GAB2: variants seen among roughly 807,000 people sequenced by gnomAD.
The protein encoded by GAB2 is GRB2-associated-binding protein 2.
Under a neutral mutation model 65.5 loss-of-function variants are expected in GAB2, and 26 were observed. The observed-to-expected ratio is 0.40, with a 90% confidence interval of 0.29 to 0.55. The LOEUF (loss-of-function observed/expected upper bound fraction) is 0.55. GAB2 is among the 20% of genes least tolerant of loss of function. The probability of loss-of-function intolerance (pLI) is 0.53; values close to 1 mark genes in which losing one functional copy is unlikely to be tolerated. For synonymous variants in GAB2, 321 were observed against 329.6 expected, an observed-to-expected ratio of 0.97 and a Z score of 0.28; for missense variants, 884 against 875.8, an observed-to-expected ratio of 1.01 and a Z score of -0.12.
chr11:78,377,613 T>C (rs1454284225), intron 1 of GAB2, among the ~76,000 whole-genome samples: 1 of 152,234 alleles, frequency 6.6e-6, no homozygotes, highest in Admixed American at 6.5e-5. Context: ...AAGCCTATTA[T>C]GCTTTGGAGA....
At chr11:78,360,939 A>G (rs1030095389) in intron 1 of GAB2, among the ~76,000 whole-genome samples, 1 of 152,202 alleles carries the variant, frequency 6.6e-6, no homozygotes, top group East Asian at 1.9e-4. Context: ...TAAAGTTCAT[A>G]AAGAAAAACA....
chr11:78,350,052 C>T lies in GAB2; in HGVS notation c.75+67594G>A, dbSNP rs142646937. Among the ~76,000 whole-genome samples the T allele has an allele frequency of 2.0e-5, 3 of 152,192 alleles. No individual in the cohort carries two copies. In the East Asian group the frequency reaches 5.8e-4, roughly 29 times the overall value. ...TCTTTGAGTTGGCTGTCTTGTGAAA[C>T]ATTCTGTTGTCTATATTTTCATTCA... On this transcript the variant is annotated intron_variant, in intron 1 of 9. Transcript: ENST00000361507.
chr11:78,336,437 G>T, intron 1 of GAB2, among the ~76,000 whole-genome samples: 1 of 127,714 alleles, frequency 7.8e-6, no homozygotes. Flanking sequence ...TGCTGATTTT[G>T]TATCCTGCAA....
intron 1 of GAB2, among the ~76,000 whole-genome samples, chr11:78,363,864 A>G (rs1856465525): frequency 6.6e-6 from 1 of 152,140 alleles, no homozygotes; most frequent in African/African-American, 2.4e-5. Context: ...AAATGTAGGC[A>G]TGAGCCACTG....
intron 2 of GAB2, among the ~76,000 whole-genome samples, chr11:78,263,899 A>ATT (rs35453397): frequency 1.4e-5 from 2 of 142,556 alleles, no homozygotes; most frequent in Non-Finnish European, 1.5e-5. Context: ...TCTCCTGTCA[A>ATT]TTTTTTTTTT....
intron 1 of GAB2, among the ~76,000 whole-genome samples, chr11:78,290,019 C>T (rs1010106249): frequency 3.3e-5 from 5 of 151,670 alleles, no homozygotes; most frequent in South Asian, 2.1e-4. Flanking sequence ...TTATTTGTAA[C>T]GGGGAGCCAT....
Position 78,220,304 on chromosome 11 carries a change from C to A in GAB2, c.1887+15G>T, listed in dbSNP as rs777951216. On this transcript the variant is annotated intron_variant, in intron 9 of 9. Coordinates refer to ENST00000361507, the MANE Select transcript of GAB2 (RefSeq NM_080491.3). ...CTGAGAGCTCTTACTGCCCCCCCAA[C>A]TCTACTCCAGGCACCTTGCGGTGGG... 1 of 1,611,900 alleles carries A rather than the reference C, an allele frequency of 6.2e-7. No homozygotes were observed. Among genetic ancestry groups the A allele is most frequent in the African/African-American group, 1.3e-5 (1 of 74,860 alleles).
intron 1 of GAB2, among the ~76,000 whole-genome samples, chr11:78,388,811 T>C (rs1856799454): frequency 6.6e-6 from 1 of 152,208 alleles, no homozygotes; most frequent in Non-Finnish European, 1.5e-5. Context: ...TTTTGTTTTG[T>C]TAAAAAGAGA....
intron 1 of GAB2, among the ~76,000 whole-genome samples, chr11:78,316,070 G>A (rs1855597424): frequency 6.6e-6 from 1 of 152,032 alleles, no homozygotes; most frequent in African/African-American, 2.4e-5. Context: ...GCTTCCTCCC[G>A]CTCCTCCTGC....
At position 78,417,623 on chromosome 11, in the gene GAB2, T is replaced by C. The variant is rs577808708; in HGVS notation, c.75+23A>G. 10 of 1,250,386 alleles carry C rather than the reference T, an allele frequency of 8.0e-6. No homozygotes were observed. In the African/African-American group the frequency reaches 1.5e-4, roughly 18 times the overall value. The allele number at this position is 1,250,386 out of a possible 1,614,324, so 77.5% of individuals were successfully genotyped here. ...CCCCGGAGCGCCCCCCGCCCGCCCC[T>C]GGGCGGCCGCGCCCGCACTCACATA... On this transcript the variant is annotated intron_variant, in intron 1 of 9. Transcript: ENST00000361507.
rs542275999 is a variant in GAB2, at chr11:78,243,360, C to T, written c.620+6797G>A. On this transcript the variant is annotated intron_variant, in intron 3 of 9. Coordinates refer to ENST00000361507, the MANE Select transcript of GAB2 (RefSeq NM_080491.3). ...GTGGGCGCCTGTAGTCCCAGCTACC[C>T]GGGAGGCTGAGGCATGAGAATCACT... 1.7e-3 allele frequency among the ~76,000 whole-genome samples: 260 copies of T among 151,488 alleles called. 1 individual carries two copies. The highest frequency in any genetic ancestry group is 3.3e-3 in the Admixed American group (50 of 15,244).
chr11:78,237,728 T>C (rs760847852), intron 3 of GAB2, among the ~76,000 whole-genome samples: 61 of 152,212 alleles, frequency 4.0e-4, no homozygotes, highest in Non-Finnish European at 6.8e-4. Flanking sequence ...TAAGTGATTG[T>C]TGGGTCAGTA....
chr11:78,340,986 C>G (rs1246287288), intron 1 of GAB2, among the ~76,000 whole-genome samples: 1 of 152,064 alleles, frequency 6.6e-6, no homozygotes, highest in African/African-American at 2.4e-5. Flanking sequence ...ACTACCATGC[C>G]CAAGATATTT....
intron 1 of GAB2, among the ~76,000 whole-genome samples, chr11:78,410,892 T>C (rs1857118572): frequency 6.6e-6 from 1 of 152,146 alleles, no homozygotes. Flanking sequence ...TTCACACCTA[T>C]AATCGCAGCA....
chr11:78,227,118 A>C (rs1170648645), intron 3 of GAB2, 67 bp from the exon 4 acceptor site: 2 of 1,064,570 alleles, frequency 1.9e-6, no homozygotes, highest in Non-Finnish European at 2.8e-6. Context: ...CTTGAGGCAA[A>C]GCACTTTCTC....
intron 2 of GAB2, among the ~76,000 whole-genome samples, chr11:78,253,186 T>A (rs1357267728): frequency 2.0e-5 from 3 of 151,968 alleles, no homozygotes; most frequent in Non-Finnish European, 4.4e-5. Flanking sequence ...AATTTTTGTA[T>A]TTTTAGTAGA....
At chr11:78,238,324 C>T (rs1027329232) in intron 3 of GAB2, among the ~76,000 whole-genome samples, 8 of 150,742 alleles carry the variant, frequency 5.3e-5, no homozygotes, top group African/African-American at 1.2e-4. Context: ...GACAACATAG[C>T]GAGACCATAT....
At chr11:78,344,959 T>G (rs1466793058) in intron 1 of GAB2, among the ~76,000 whole-genome samples, 1 of 152,216 alleles carries the variant, frequency 6.6e-6, no homozygotes, top group Non-Finnish European at 1.5e-5. Context: ...TAAGCATTGT[T>G]AAGCTTATAA....
At chr11:78,290,484 C>A (rs1480143410) in intron 1 of GAB2, among the ~76,000 whole-genome samples, 2 of 152,204 alleles carry the variant, frequency 1.3e-5, no homozygotes, top group Non-Finnish European at 2.9e-5. Context: ...CTGTCTCTAT[C>A]CTTTGGGTTA....
Sources: allele counts gnomAD v4.1 joint callset (sites outside exome capture counted in the v4.1 genomes callset), GRCh38; gene constraint gnomAD v4.1.1; transcripts MANE v1.5; gene names NCBI Gene and HGNC (gene_info 2026-07-23, HGNC 2026-07-21).